ZNF248: variants seen among roughly 807,000 people sequenced by gnomAD.
The protein encoded by ZNF248 is KRAB protein domain.
In ZNF248, 20 loss-of-function variants were observed where a neutral mutation model predicts 44.3. The observed-to-expected ratio is 0.45, with a 90% CI of 0.32 to 0.66. The LOEUF is 0.66. Among genes scored for constraint, ZNF248 ranks in the 30% least tolerant of loss-of-function variants. ZNF248 has a pLI of 0.04. For missense variants in ZNF248, 654 were observed against 677.0 expected, an observed-to-expected ratio of 0.97 and a Z score of 0.38; for synonymous variants, 224 against 229.0, an observed-to-expected ratio of 0.98 and a Z score of 0.20.
intron 6 of ZNF248, among the ~76,000 whole-genome samples, chr10:37,813,860 T>C (rs1009375176): frequency 2.6e-5 from 4 of 152,238 alleles, no homozygotes; most frequent in African/African-American, 7.2e-5. Context: ...ACAACTTGCA[T>C]GGGATATCTC....
Position 37,838,002 on chromosome 10 carries a change from C to A in ZNF248, c.125G>T (p.Ser42Ile). ...LYRDVILENY[S>I]NLVSVGYCIT... Reference sequence around the variant, plus strand: ...CTCCTTACCTACTGAGACAAGATTGCTATAATTTTCCAGGATCACATCTCT... The same window carrying A: ...CTCCTTACCTACTGAGACAAGATTGATATAATTTTCCAGGATCACATCTCT... The change falls in exon 4 of 6, where the codon AGC becomes ATC. Residue 42 changes from serine to isoleucine, a missense_variant. Ser to Ile is a moderately radical substitution (Grantham distance 142, BLOSUM62 -2). Transcript: ENST00000395867. The A allele has an allele frequency of 6.2e-7, 1 of 1,613,504 alleles. No individual in the cohort carries two copies. The highest frequency in any genetic ancestry group is 8.5e-7 in the Non-Finnish European group (1 of 1,179,646).
At chr10:37,844,391 T>G (rs540851966) in intron 3 of ZNF248, among the ~76,000 whole-genome samples, 59 of 152,210 alleles carry the variant, frequency 3.9e-4, no homozygotes, top group Non-Finnish European at 7.1e-4. Context: ...TCTTCATAAC[T>G]CAACGCCGTA....
At chr10:37,807,019 TG>T (rs1247661889) in intron 6 of ZNF248, among the ~76,000 whole-genome samples, 1 of 151,930 alleles carries the variant, frequency 6.6e-6, no homozygotes, top group African/African-American at 2.4e-5. Context: ...AGTCTCACTC[TG>T]TTGCCCAAGC....
intron 6 of ZNF248, among the ~76,000 whole-genome samples, chr10:37,813,648 A>G (rs1486574768): frequency 2.0e-5 from 3 of 152,160 alleles, no homozygotes; most frequent in South Asian, 2.1e-4. Context: ...TATATAATAC[A>G]TATACATAAT....
Position 37,832,480 on chromosome 10 carries a change from G to C in ZNF248, c.875C>G (p.Thr292Arg). The C allele has an allele frequency of 6.2e-7, 1 of 1,613,900 alleles. No homozygotes were observed. The highest frequency in any genetic ancestry group is 8.5e-7 in the Non-Finnish European group (1 of 1,179,924). The change falls in exon 6 of 6, where the codon ACA (threonine) becomes AGA (arginine). Residue 292 changes from threonine (T) to arginine (R), a missense_variant. Transcript: ENST00000395867. ...ATTATATTCATAAGGATTGTCCTTT[G>C]TAAGAGCTCTCTGATGTCCAAACCT... Reference protein sequence around the residue: ...NLRFGHQRALTKDNPYEYNEY... With the variant: ...NLRFGHQRALRKDNPYEYNEY...
chr10:37,842,384 T>C (rs1215439074), intron 3 of ZNF248, among the ~76,000 whole-genome samples: 1 of 152,128 alleles, frequency 6.6e-6, no homozygotes, highest in East Asian at 1.9e-4. Context: ...CGCAACCAAG[T>C]AGATGCCAAA....
chr10:37,785,722 A>G (rs1481206043), intron 6 of ZNF248, among the ~76,000 whole-genome samples: 3 of 152,194 alleles, frequency 2.0e-5, no homozygotes, highest in African/African-American at 7.2e-5. Flanking sequence ...AAAGATGGTG[A>G]TGATGGGGAA....
chr10:37,825,937 C>T (rs1283655617), downstream of ZNF248, among the ~76,000 whole-genome samples: 1 of 149,524 alleles, frequency 6.7e-6, no homozygotes, highest in African/African-American at 2.5e-5. Flanking sequence ...AAAACTTGGA[C>T]AAGTGTAGAA....
Position 37,829,674 on chromosome 10 carries a change from C to A in ZNF248, c.*1941G>T, listed in dbSNP as rs975364511. ...CTTTTCCCACCTTGTGCACTGTTAT[C>A]TTCAGGCTACTGCCCTTCAGAGATA... On this transcript the variant is annotated 3_prime_UTR_variant, in exon 6 of 6. Transcript: ENST00000395867. 1 of 985,288 alleles carries A rather than the reference C, an allele frequency of 1.0e-6. No individual in the cohort carries two copies. Among genetic ancestry groups the A allele is most frequent in the Non-Finnish European group, 1.2e-6 (1 of 829,940 alleles). The allele number at this position is 985,288 out of a possible 1,614,324, so 61.0% of individuals were successfully genotyped here. A position where few individuals can be genotyped will look rare whatever the true frequency, so the allele number is the denominator to read the frequency against.
intron 6 of ZNF248, among the ~76,000 whole-genome samples, chr10:37,777,442 A>G (rs1033202350): frequency 2.0e-5 from 3 of 151,538 alleles, no homozygotes; most frequent in Non-Finnish European, 4.4e-5. Flanking sequence ...TTGGAATACA[A>G]TTTGGCTTCC....
chr10:37,820,287 A>G (rs772288351), intron 6 of ZNF248: 32 of 1,383,338 alleles, frequency 2.3e-5, no homozygotes, highest in Non-Finnish European at 3.2e-5. Context: ...GCCAGATCTC[A>G]TAGATGAGGG....
At chr10:37,779,789 C>T (rs889821895) in intron 6 of ZNF248, among the ~76,000 whole-genome samples, 16 of 149,442 alleles carry the variant, frequency 1.1e-4, no homozygotes, top group African/African-American at 3.4e-4. Context: ...CCAAAATCTC[C>T]TTAAGCTGAT....
the ZNF248 span, among the ~76,000 whole-genome samples, chr10:37,767,390 C>G: frequency 6.6e-6 from 1 of 152,164 alleles, no homozygotes; most frequent in South Asian, 2.1e-4. Flanking sequence ...TCGGGTTACC[C>G]ACAAAGGGAA....
chr10:37,827,004 G>GA (rs1240168533), downstream of ZNF248, among the ~76,000 whole-genome samples: 1 of 152,182 alleles, frequency 6.6e-6, no homozygotes, highest in African/African-American at 2.4e-5. Flanking sequence ...GTGGGTTGAA[G>GA]AGAACTCATC....
rs937683277 is a variant in ZNF248 at position 37,831,019 on chromosome 10, T to A, written c.*596A>T. 9.1e-5 allele frequency: 83 copies of A among 913,170 alleles called. No individual in the cohort carries two copies. In the African/African-American group the frequency reaches 1.3e-3, roughly 14 times the overall value. The allele number at this position is 913,170 out of a possible 1,614,324, so 56.6% of individuals were successfully genotyped here. A position where few individuals can be genotyped will look rare whatever the true frequency, so the allele number is the denominator to read the frequency against. On this transcript the variant is annotated 3_prime_UTR_variant, in exon 6 of 6. Transcript: ENST00000395867. ...GCACATCACTATATTTAAGTATGTG[T>A]GTAGAAATATATTTACATATACACA...
chr10:37,782,317 T>C (rs1165933348), intron 6 of ZNF248, among the ~76,000 whole-genome samples: 4 of 152,128 alleles, frequency 2.6e-5, no homozygotes, highest in Non-Finnish European at 5.9e-5. Flanking sequence ...ATTTACAAGA[T>C]TGGATTTAGG....
rs1263395900 is a variant in ZNF248, at chr10:37,838,085, A to C, written c.42T>G (p.Cys14Trp). 9.3e-6 allele frequency: 15 copies of C among 1,613,102 alleles called. No individual in the cohort carries two copies. The highest frequency in any genetic ancestry group is 1.2e-5 in the Non-Finnish European group (14 of 1,179,454). ...ACCACTCTTCCTGAGTGAAGTCCACACATACATCCTTGAATGACACTTGTT... is the reference window on the plus strand; with the variant it reads ...ACCACTCTTCCTGAGTGAAGTCCACCCATACATCCTTGAATGACACTTGTT... ...SQEQVSFKDV[C>W]VDFTQEEWYL... Residue 14 changes from cysteine to tryptophan, a missense_variant, in exon 4 of 6, where the codon TGT becomes TGG. Transcript: ENST00000395867.
intron 6 of ZNF248, among the ~76,000 whole-genome samples, chr10:37,798,581 T>A (rs945160352): frequency 1.3e-5 from 2 of 152,130 alleles, no homozygotes; most frequent in Non-Finnish European, 2.9e-5. Flanking sequence ...TAGAAATATA[T>A]ACACAGATAC....
intron 6 of ZNF248, chr10:37,819,081 G>C: frequency 1.3e-6 from 1 of 792,628 alleles, no homozygotes; most frequent in Non-Finnish European, 2.3e-6. Flanking sequence ...GAAAGACCAA[G>C]CTCTGTAATT....
Sources: gnomAD v4.1 joint callset for allele counts (sites outside exome capture counted in the v4.1 genomes callset) on GRCh38, gnomAD v4.1.1 for gene constraint, MANE v1.5 for transcripts, NCBI Gene and HGNC (gene_info 2026-07-23, HGNC 2026-07-21) for gene names.